KCNU1: variants seen among roughly 807,000 people sequenced by gnomAD.
KCNU1 encodes potassium calcium-activated channel subfamily U member 1.
A neutral mutation model predicts 126.8 loss-of-function variants in KCNU1; 93 were observed. The ratio of observed to expected loss-of-function variants is 0.73; its 90% CI spans 0.62 to 0.87. The LOEUF (loss-of-function observed/expected upper bound fraction) is 0.87. Among genes scored for constraint, KCNU1 ranks in the 40% least tolerant of loss-of-function variants. KCNU1 has a pLI of 0.00. For synonymous variants in KCNU1, 523 were observed against 494.2 expected, an observed-to-expected ratio of 1.06 and a Z score of -0.77; for missense variants, 1,330 against 1,367.1, an observed-to-expected ratio of 0.97 and a Z score of 0.43.
At chr8:36,889,903 G>A (rs1379792563) in intron 19 of KCNU1, among the ~76,000 whole-genome samples, 4 of 151,972 alleles carry the variant, frequency 2.6e-5, no homozygotes, top group South Asian at 2.1e-4. Flanking sequence ...GGAGAAACAC[G>A]GAAAATAATT....
chr8:36,800,966 T>C (rs1803281140), intron 2 of KCNU1, among the ~76,000 whole-genome samples: 1 of 152,094 alleles, frequency 6.6e-6, no homozygotes, highest in African/African-American at 2.4e-5. Flanking sequence ...CAGGACTGAG[T>C]ATGTTGAGAT....
At chr8:36,900,821 T>A (rs190165357) in intron 19 of KCNU1, among the ~76,000 whole-genome samples, 2 of 152,074 alleles carry the variant, frequency 1.3e-5, no homozygotes, top group Admixed American at 6.6e-5. Context: ...TTCAAAAGAT[T>A]GAACCAAGAA....
intron 2 of KCNU1, among the ~76,000 whole-genome samples, chr8:36,798,268 C>T (rs1313228421): frequency 1.3e-5 from 2 of 152,176 alleles, no homozygotes; most frequent in South Asian, 2.1e-4. Flanking sequence ...TCATGCCCTA[C>T]AAACCATAAA....
chr8:36,890,015 A>T (rs907491785), intron 19 of KCNU1, among the ~76,000 whole-genome samples: 4 of 152,084 alleles, frequency 2.6e-5, no homozygotes, highest in African/African-American at 9.7e-5. Flanking sequence ...TTTGCAGTAA[A>T]ATTTTTCTTC....
intron 19 of KCNU1, 54 bp from the exon 20 acceptor site, chr8:36,905,654 G>C: frequency 1.1e-6 from 1 of 950,896 alleles, no homozygotes; most frequent in East Asian, 2.4e-5. Flanking sequence ...TCTCGGCTTT[G>C]TTACAGAGGA....
chr8:36,883,795 A>G (rs1309531140), intron 19 of KCNU1, among the ~76,000 whole-genome samples: 1 of 152,190 alleles, frequency 6.6e-6, no homozygotes, highest in East Asian at 1.9e-4. Context: ...TGTCTCAAAA[A>G]AAAGACTTCT....
chr8:36,900,197 A>G (rs1807359520), intron 19 of KCNU1, among the ~76,000 whole-genome samples: 1 of 152,136 alleles, frequency 6.6e-6, no homozygotes, highest in Non-Finnish European at 1.5e-5. Context: ...CTCATGGAAA[A>G]GGAAGGAATC....
At chr8:36,825,594 G>C (rs1030576576) in intron 10 of KCNU1, among the ~76,000 whole-genome samples, 6 of 152,112 alleles carry the variant, frequency 3.9e-5, no homozygotes, top group Non-Finnish European at 8.8e-5. Context: ...TTGTTACATG[G>C]AAACATGGTG....
At chr8:36,825,747 G>A (rs1804294328) in intron 10 of KCNU1, among the ~76,000 whole-genome samples, 1 of 150,990 alleles carries the variant, frequency 6.6e-6, no homozygotes, top group Non-Finnish European at 1.5e-5. Context: ...TCTGTTGGAT[G>A]TTGTTTGTTT....
At chr8:36,806,627 G>A (rs1803512265) in intron 5 of KCNU1, among the ~76,000 whole-genome samples, 1 of 152,144 alleles carries the variant, frequency 6.6e-6, no homozygotes. Flanking sequence ...TAATGTGAGA[G>A]GCAAGACTCC....
At chr8:36,793,124 T>C (rs1166917300) in intron 2 of KCNU1, among the ~76,000 whole-genome samples, 3 of 149,280 alleles carry the variant, frequency 2.0e-5, no homozygotes, top group Non-Finnish European at 2.9e-5. Context: ...AAACATCGCA[T>C]GTTCTCACTC....
chr8:36,895,501 A>G (rs1563321381), intron 19 of KCNU1, among the ~76,000 whole-genome samples: 1 of 152,158 alleles, frequency 6.6e-6, no homozygotes, highest in African/African-American at 2.4e-5. Flanking sequence ...TGCAGGTTTC[A>G]TCATCTCTAT....
chr8:36,824,999 T>A (rs1279690008), intron 10 of KCNU1, among the ~76,000 whole-genome samples: 3 of 152,182 alleles, frequency 2.0e-5, no homozygotes, highest in Non-Finnish European at 4.4e-5. Context: ...GTAATAAAGT[T>A]TAAATATTTT....
intron 11 of KCNU1, among the ~76,000 whole-genome samples, chr8:36,833,916 A>C (rs749510918): frequency 6.6e-6 from 1 of 152,060 alleles, no homozygotes; most frequent in Non-Finnish European, 1.5e-5. Flanking sequence ...TCTCTATCTA[A>C]ATCAGTTTTA....
chr8:36,919,679 G>A (rs896943768), intron 23 of KCNU1, among the ~76,000 whole-genome samples: 8 of 152,176 alleles, frequency 5.3e-5, no homozygotes, highest in Admixed American at 3.3e-4. Flanking sequence ...AGAGGAGAAC[G>A]GTGCCACTAG....
At chr8:36,866,269 C>T (rs1326001308) in intron 19 of KCNU1, among the ~76,000 whole-genome samples, 1 of 152,106 alleles carries the variant, frequency 6.6e-6, no homozygotes, top group Non-Finnish European at 1.5e-5. Context: ...TTTTAACACA[C>T]ACAGAGTCCT....
chr8:36,882,720 A>AT (rs895828287), intron 19 of KCNU1, among the ~76,000 whole-genome samples: 23 of 152,098 alleles, frequency 1.5e-4, no homozygotes, highest in African/African-American at 5.5e-4. Flanking sequence ...AGTAGCTGGG[A>AT]TTACAGGCAT....
Position 36,909,431 on chromosome 8 carries a change from T to C in KCNU1, c.2227T>C (p.Tyr743His), listed in dbSNP as rs948766639. ...NFVMPLRASN[Y>H]TRKELKDIVF... ...TGTAATGCCCTTGAGAGCCAGCAAC[T>C]ATACCAGGAAGGAGCTGAAGGACAT... The change falls in exon 21 of 27, where the codon TAT becomes CAT. Residue 743 changes from tyrosine (Y) to histidine (H), a missense_variant. Around this residue, in one of 3 missense-constraint regions of KCNU1, gnomAD observed 1,054 missense variants for 1,053.9 expected, o/e 1.00. Coordinates refer to ENST00000399881, the MANE Select transcript of KCNU1 (RefSeq NM_001031836.3). 3.0e-5 allele frequency: 49 copies of C among 1,613,232 alleles called. No homozygotes were observed. The highest frequency in any genetic ancestry group is 4.2e-5 in the Non-Finnish European group (49 of 1,179,308).
intron 18 of KCNU1, among the ~76,000 whole-genome samples, chr8:36,856,001 T>C (rs1047685966): frequency 3.3e-5 from 5 of 152,198 alleles, no homozygotes; most frequent in Admixed American, 6.5e-5. Flanking sequence ...TTTGAGGTTC[T>C]GGGTAGACAC....
Sources: allele counts gnomAD v4.1 joint callset (sites outside exome capture counted in the v4.1 genomes callset), GRCh38; gene constraint gnomAD v4.1.1; regional missense constraint gnomAD v4.1.1; transcripts MANE v1.5; gene names NCBI Gene and HGNC (gene_info 2026-07-23, HGNC 2026-07-21).